The following WDR35 variants were observed in gnomAD, a reference collection of about 807,000 sequenced individuals.
WDR35 encodes the protein WD repeat domain 35.
WDR35 carries 118 observed loss-of-function variants against 158.3 expected under a neutral mutation model. That is an observed-to-expected ratio of 0.75 (90% CI 0.64 to 0.87). The LOEUF (loss-of-function observed/expected upper bound fraction) is 0.87, where lower values mean the gene tolerates loss of function less well. Ranked by LOEUF, WDR35 falls within the 40% of genes least tolerant of loss-of-function variation. The probability of loss-of-function intolerance (pLI) is 0.00; values close to 1 mark genes in which losing one functional copy is unlikely to be tolerated. For missense variants in WDR35, 1,263 were observed against 1,405.8 expected (o/e 0.90, Z 1.62); for synonymous variants, 448 against 476.1 (o/e 0.94, Z 0.77).
Position 19,936,327 on chromosome 2 carries a change from C to A in WDR35, c.2306G>T (p.Trp769Leu). ...AIGLRLKLGD[W>L]FRVLQLLKTG... ...TTTCAGGAGCTGGAGTACTCTAAAC[C>A]AATCCCCCAATTTCAGCCGGAGGCC... Residue 769 changes from tryptophan to leucine, a missense_variant, in exon 20 of 27, where the codon TGG becomes TTG. Coordinates refer to ENST00000281405, the MANE Select transcript of WDR35 (RefSeq NM_020779.4). The A allele has an allele frequency of 6.2e-7, 1 of 1,613,984 alleles. No homozygotes were observed. Among genetic ancestry groups the A allele is most frequent in the Non-Finnish European group, 8.5e-7 (1 of 1,179,932 alleles).
intron 11 of WDR35, among the ~76,000 whole-genome samples, chr2:19,957,209 T>C (rs936982967): frequency 1.3e-5 from 2 of 152,238 alleles, no homozygotes; most frequent in African/African-American, 4.8e-5. Context: ...GTTGCTATTG[T>C]TCTTTTCACT....
At chr2:19,971,370 GACT>G (rs1269962098) in intron 8 of WDR35, among the ~76,000 whole-genome samples, 1 of 152,142 alleles carries the variant, frequency 6.6e-6, no homozygotes, top group East Asian at 1.9e-4. Flanking sequence ...TCATGGCTGG[GACT>G]ACTGCCATTA....
At chr2:19,966,689 C>A in intron 10 of WDR35, 35 bp downstream of exon 10, 1 of 1,610,100 alleles carries the variant, frequency 6.2e-7, no homozygotes, top group Middle Eastern at 2.0e-4. Flanking sequence ...AAGCAGTTAG[C>A]CCAGCTATGT....
At chr2:19,938,224 C>G in intron 18 of WDR35, 41 bp downstream of exon 18, 1 of 1,613,688 alleles carries the variant, frequency 6.2e-7, no homozygotes, top group Non-Finnish European at 8.5e-7. Context: ...CTTTAAAAAC[C>G]TACACCTGAC....
At chr2:19,987,248 G>A (rs570688265) in intron 2 of WDR35, among the ~76,000 whole-genome samples, 6 of 152,302 alleles carry the variant, frequency 3.9e-5, no homozygotes, top group African/African-American at 9.6e-5. Flanking sequence ...CGGATCTGCT[G>A]AATCAACACT....
At chr2:19,959,468 G>GTA (rs1023403791) in intron 11 of WDR35, among the ~76,000 whole-genome samples, 2 of 151,820 alleles carry the variant, frequency 1.3e-5, no homozygotes, top group African/African-American at 2.4e-5. Flanking sequence ...ACACTAATGT[G>GTA]TATATATATG....
At chr2:19,932,581 G>T in intron 22 of WDR35, 134 bp from the exon 23 acceptor site, 5 of 1,086,352 alleles carry the variant, frequency 4.6e-6, no homozygotes, top group Non-Finnish European at 6.7e-6. Flanking sequence ...TTTAAAAATA[G>T]CATTTAAAAT....
intron 2 of WDR35, among the ~76,000 whole-genome samples, chr2:19,984,563 A>G (rs1331659263): frequency 1.3e-5 from 2 of 152,266 alleles, no homozygotes; most frequent in African/African-American, 4.8e-5. Context: ...ACTCATGTAA[A>G]GGAATTTCAG....
chr2:19,960,764 AAAAG>A, intron 10 of WDR35, 150 bp from the exon 11 acceptor site: 1 of 639,810 alleles, frequency 1.6e-6, no homozygotes, highest in Non-Finnish European at 2.7e-6. Flanking sequence ...ATAGCAGACA[AAAAG>A]AAAGATGATT....
At chr2:19,915,485 G>A (rs553039196) in intron 25 of WDR35, among the ~76,000 whole-genome samples, 216 of 151,312 alleles carry the variant, frequency 1.4e-3, no homozygotes, top group Non-Finnish European at 1.9e-3. Flanking sequence ...AGTAGGTGAA[G>A]CATCTCAAGT....
chr2:19,935,743 C>T, intron 20 of WDR35, 140 bp from the exon 21 acceptor site: 1 of 1,027,598 alleles, frequency 9.7e-7, no homozygotes, highest in Non-Finnish European at 1.4e-6. Flanking sequence ...GAATAACTTT[C>T]AAACATATAA....
At chr2:19,989,331 G>C (rs1165183589) in intron 1 of WDR35, 49 bp from the exon 2 acceptor site, 1 of 1,478,170 alleles carries the variant, frequency 6.8e-7, no homozygotes, top group Non-Finnish European at 9.5e-7. Context: ...GAAGGAGCTG[G>C]GAAGTAAGTC....
Position 19,982,463 on chromosome 2 carries a change from C to T in WDR35, c.214G>A (p.Gly72Ser), listed in dbSNP as rs769367013. 2 of 1,613,486 alleles carry T rather than the reference C, an allele frequency of 1.2e-6. No individual in the cohort carries two copies. ...SMNQTLEGHS[G>S]SVQVVTWNEQ... ...ACTTAAAAGAAATTGAATGACTCAC[C>T]ACTATGACCTTCAAGAGTCTGATTC... The change falls in exon 3 of 27, where the codon GGT becomes AGT. Residue 72 changes from glycine to serine, a missense_variant and splice_region_variant. Coordinates refer to ENST00000281405, the MANE Select transcript of WDR35 (RefSeq NM_020779.4).
chr2:19,942,092 C>A (rs555085562), intron 16 of WDR35, among the ~76,000 whole-genome samples: 1 of 152,122 alleles, frequency 6.6e-6, no homozygotes, highest in Non-Finnish European at 1.5e-5. Context: ...TACTGCAGTA[C>A]ATATCTTTAA....
intron 6 of WDR35, among the ~76,000 whole-genome samples, chr2:19,974,959 C>A (rs1672159076): frequency 6.6e-6 from 1 of 152,166 alleles, no homozygotes; most frequent in Non-Finnish European, 1.5e-5. Context: ...ACTTAATGTC[C>A]TAACCCTTGC....
chr2:19,956,817 C>T (rs974832955), intron 11 of WDR35, among the ~76,000 whole-genome samples: 1 of 151,934 alleles, frequency 6.6e-6, no homozygotes, highest in Non-Finnish European at 1.5e-5. Flanking sequence ...GACGGGGTTT[C>T]ACCGTGTTAG....
Position 19,912,239 on chromosome 2 carries a change from T to G in WDR35, c.*1319A>C, listed in dbSNP as rs893115224. On this transcript the variant is annotated 3_prime_UTR_variant, in exon 27 of 27. Transcript: ENST00000281405. ...ATAAACCAATGTATTTTGAGAATTT[T>G]TATTTGGTTTATAAGGCTTTCTGTT... 2.6e-5 allele frequency: 4 copies of G among 152,236 alleles called. No homozygotes were observed. The highest frequency in any genetic ancestry group is 9.6e-5 in the African/African-American group (4 of 41,468). 9.4% of individuals were successfully genotyped at this position (152,236 alleles called of 1,614,324 possible). A position where few individuals can be genotyped will look rare whatever the true frequency, so the allele number is the denominator to read the frequency against.
At position 19,973,577 on chromosome 2, in the gene WDR35, T is replaced by C. The variant is rs923453004; in HGVS notation, c.868A>G (p.Thr290Ala). 1 of 1,613,834 alleles carries C rather than the reference T, an allele frequency of 6.2e-7. No individual in the cohort carries two copies. Among genetic ancestry groups the C allele is most frequent in the Non-Finnish European group, 8.5e-7 (1 of 1,179,988 alleles). ...DKDVNIVQFY[T>A]PFGEHLGTLK... ...AATGCATTTACCTCACCAAACGGAG[T>C]GTAAAACTGCACAATGTTCACATCT... Residue 290 changes from threonine (T) to alanine (A), a missense_variant, in exon 8 of 27, where the codon ACT (threonine) becomes GCT (alanine). Transcript: ENST00000281405.
chr2:19,930,302 T>C (rs750197743), intron 25 of WDR35, 94 bp downstream of exon 25: 40 of 1,561,018 alleles, frequency 2.6e-5, no homozygotes, highest in Non-Finnish European at 3.5e-5. Flanking sequence ...AAAAATGTTA[T>C]TGAAGGCCAC....
Sources: gnomAD v4.1 joint callset for allele counts (sites outside exome capture counted in the v4.1 genomes callset) on GRCh38, gnomAD v4.1.1 for gene constraint, MANE v1.5 for transcripts, NCBI Gene and HGNC (gene_info 2026-07-23, HGNC 2026-07-21) for gene names.